Variants in HAUS8 observed in about 807,000 individuals in gnomAD.
HAUS8 encodes the protein HAUS augmin like complex subunit 8, also known as HAUS augmin-like complex subunit 8.
HAUS8 carries 38 observed loss-of-function variants against 42.9 expected under a neutral mutation model. That is an observed-to-expected ratio of 0.89 (90% CI 0.68 to 1.16). The LOEUF (loss-of-function observed/expected upper bound fraction) is 1.16, where lower values mean the gene tolerates loss of function less well. HAUS8 is among the 50% of genes most tolerant of loss of function. HAUS8 has a pLI of 0.00. For missense variants in HAUS8, 494 were observed against 511.6 expected (o/e 0.97, Z 0.33); for synonymous variants, 199 against 205.8 (o/e 0.97, Z 0.28).
At position 17,058,722 on chromosome 19, in the gene HAUS8, A is replaced by C. The variant is rs2057341115; in HGVS notation, c.487-15T>G. The C allele has an allele frequency of 1.2e-6, 2 of 1,603,554 alleles. No homozygotes were observed. Among genetic ancestry groups the C allele is most frequent in the Non-Finnish European group, 1.7e-6 (2 of 1,175,242 alleles). On this transcript the variant is annotated splice_polypyrimidine_tract_variant and intron_variant, in intron 7 of 10. Coordinates refer to ENST00000253669, the MANE Select transcript of HAUS8 (RefSeq NM_033417.2). ...TTGTTCTCCATCTGTTAAATGTGAA[A>C]GAAAAGCTCAAGCAGGTGGGGACTC...
Position 17,056,313 on chromosome 19 carries a change from T to C in HAUS8, c.646-311A>G, listed in dbSNP as rs187895790. The stretch of plus-strand genomic sequence containing the variant: ...GCCTTCCACAAGGCCATCCCCGGCA[T>C]GGCCCACTCCCACCCCAAACATGCT... On this transcript the variant is annotated intron_variant, in intron 8 of 10. Coordinates refer to ENST00000253669, the MANE Select transcript of HAUS8 (RefSeq NM_033417.2). Among the ~76,000 whole-genome samples the C allele has an allele frequency of 2.2e-3, 331 of 152,264 alleles. 1 individual carries two copies. The highest frequency in any genetic ancestry group is 3.4e-3 in the Middle Eastern group (1 of 294).
chr19:17,062,603 C>T (rs2057367110), intron 4 of HAUS8, 95 bp downstream of exon 4: 4 of 924,898 alleles, frequency 4.3e-6, no homozygotes, highest in Non-Finnish European at 5.3e-6. Context: ...TCTGACCCTT[C>T]CCAGAAAGGA....
intron 8 of HAUS8, among the ~76,000 whole-genome samples, chr19:17,056,214 T>C (rs549054444): frequency 6.6e-6 from 1 of 152,184 alleles, no homozygotes; most frequent in African/African-American, 2.4e-5. Context: ...ACTGAGAACA[T>C]GTGTCTGCCA....
rs61226830 is a variant in HAUS8, at chr19:17,065,972, TAA to T, written c.147+3057_147+3058del. ...CTCACTCTACACATCTCTTATCTTCTAAAAAAAAAAAAAAGAGACAGGATCTC... is the reference window on the plus strand; with the variant it reads ...CTCACTCTACACATCTCTTATCTTCTAAAAAAAAAAAAGAGACAGGATCTC... On this transcript the variant is annotated intron_variant, in intron 3 of 10. Transcript: ENST00000253669. Among the ~76,000 whole-genome samples the T allele has an allele frequency of 8.4e-3, 1,186 of 140,408 alleles. 23 individuals carry two copies. The highest frequency in any genetic ancestry group is 0.029 in the African/African-American group (1,099 of 38,022). 92.1% of individuals were successfully genotyped at this position (140,408 alleles called of 152,430 possible).
chr19:17,058,682 T>C lies in HAUS8; in HGVS notation c.512A>G (p.Glu171Gly). The C allele has an allele frequency of 1.2e-6, 2 of 1,610,282 alleles. No homozygotes were observed. The highest frequency in any genetic ancestry group is 1.7e-6 in the Non-Finnish European group (2 of 1,178,950). ...VKMENNLAEF[E>G]RRAEKNLLIM... ...TAATAAATTCTTTTCTGCCCTTCTT[T>C]CAAACTCAGCAAGATTGTTCTCCAT... Residue 171 changes from glutamate (E) to glycine (G), a missense_variant, in exon 8 of 11, where the codon GAA becomes GGA. Transcript: ENST00000253669.
intron 3 of HAUS8, 23 bp from the exon 4 acceptor site, chr19:17,062,802 T>A: frequency 6.4e-7 from 1 of 1,570,882 alleles, no homozygotes; most frequent in Non-Finnish European, 8.8e-7. Context: ...CACATGACAC[T>A]CAGAGGACAA....
At chr19:17,075,301 T>C in intron 1 of HAUS8, 93 bp downstream of exon 1, 1 of 1,416,028 alleles carries the variant, frequency 7.1e-7, no homozygotes, top group Middle Eastern at 1.8e-4. Flanking sequence ...GAACCCGAAC[T>C]CACCCCGAGG....
At chr19:17,056,227 G>A (rs1178018866) in intron 8 of HAUS8, among the ~76,000 whole-genome samples, 1 of 152,202 alleles carries the variant, frequency 6.6e-6, no homozygotes, top group Non-Finnish European at 1.5e-5. Context: ...GTCTGCCAGC[G>A]GTTCTAGGCT....
At chr19:17,061,196 T>C (rs568220407) in intron 4 of HAUS8, among the ~76,000 whole-genome samples, 12 of 151,794 alleles carry the variant, frequency 7.9e-5, no homozygotes, top group African/African-American at 2.9e-4. Flanking sequence ...AGTGGCACAA[T>C]CTAGGCTTAC....
rs935127590 is a variant in HAUS8 at position 17,064,830 on chromosome 19, T to C, written c.148-2051A>G. Among the ~76,000 whole-genome samples the C allele has an allele frequency of 7.2e-5, 11 of 152,212 alleles. No homozygotes were observed. The East Asian group carries it at 1.3e-3, about 19-fold the overall frequency. ...CCTGGATAAGACTCCAAAAGCACAATCCACAAATGGGGAAAGTGATCAAAT... is the reference window on the plus strand; with the variant it reads ...CCTGGATAAGACTCCAAAAGCACAACCCACAAATGGGGAAAGTGATCAAAT... On this transcript the variant is annotated intron_variant, in intron 3 of 10. Transcript: ENST00000253669.
In HAUS8 at chr19:17,052,848, C is replaced by T. The variant is rs141565531; in HGVS notation, c.906G>A (p.Ala302=). Reference sequence around the variant, plus strand: ...ACCTTCGGAGCTCAAGGTCCTTTTTCGCCGTCACGTCCTTGAGTTCGCTCA... The same window carrying T: ...ACCTTCGGAGCTCAAGGTCCTTTTTTGCCGTCACGTCCTTGAGTTCGCTCA... ...DLLSELKDVT[A]KKDLELRRSF... Residue 302 remains alanine (A), a synonymous_variant, in exon 10 of 11, where the codon GCG becomes GCA. Coordinates refer to ENST00000253669, the MANE Select transcript of HAUS8 (RefSeq NM_033417.2). The T allele has an allele frequency of 3.4e-4, 545 of 1,614,030 alleles. No individual in the cohort carries two copies. In the African/African-American group the frequency reaches 4.2e-3, roughly 12 times the overall value.
chr19:17,059,928 C>A, intron 5 of HAUS8, 69 bp downstream of exon 5: 2 of 1,131,102 alleles, frequency 1.8e-6, no homozygotes, highest in Non-Finnish European at 2.7e-6. Flanking sequence ...GCCAATTGTA[C>A]TTTGGAAGCC....
At chr19:17,055,339 C>CAA (rs11315045) in intron 9 of HAUS8, among the ~76,000 whole-genome samples, 52 of 49,408 alleles carry the variant, frequency 1.1e-3, no homozygotes, top group South Asian at 1.9e-3. Flanking sequence ...GATGCTGTCT[C>CAA]AAAAAAAAAA....
intron 7 of HAUS8, 34 bp from the exon 8 acceptor site, chr19:17,058,741 G>A (rs1398148301): frequency 6.2e-7 from 1 of 1,604,990 alleles, no homozygotes; most frequent in Non-Finnish European, 8.5e-7. Flanking sequence ...CAAGCAGGTG[G>A]GGACTCCCTC....
chr19:17,070,934 G>A (rs1287334559), intron 2 of HAUS8, among the ~76,000 whole-genome samples: 1 of 152,216 alleles, frequency 6.6e-6, no homozygotes, highest in Non-Finnish European at 1.5e-5. Flanking sequence ...GCCAGGCGTG[G>A]TGGCATGTGC....
chr19:17,062,651 T>A lies in HAUS8; in HGVS notation c.229+47A>T, dbSNP rs773838276. 13 of 1,475,180 alleles carry A rather than the reference T, an allele frequency of 8.8e-6. No homozygotes were observed. In the African/African-American group the frequency reaches 1.7e-4, roughly 19 times the overall value. The allele number at this position is 1,475,180 out of a possible 1,614,324, so 91.4% of individuals were successfully genotyped here. A position where few individuals can be genotyped will look rare whatever the true frequency, so the allele number is the denominator to read the frequency against. ...TAACTTAGCACCCATGGAGACAAAA[T>A]TTACTGCCGCGCTCATCACTGCCCG... is the stretch of plus-strand genomic sequence containing the variant. On this transcript the variant is annotated intron_variant, in intron 4 of 10. Transcript: ENST00000253669.
chr19:17,069,230 T>C, intron 2 of HAUS8, 144 bp from the exon 3 acceptor site: 1 of 707,810 alleles, frequency 1.4e-6, no homozygotes, highest in Non-Finnish European at 2.6e-6. Flanking sequence ...CTCCTCCTGC[T>C]CGCCTCTGAT....
At chr19:17,073,972 A>T (rs1568644270) in intron 1 of HAUS8, 1 of 152,312 alleles carries the variant, frequency 6.6e-6, no homozygotes, top group Non-Finnish European at 1.5e-5. Flanking sequence ...ATTGCACTCC[A>T]GCCAGGGTGA....
At chr19:17,074,222 T>C (rs116850120) in intron 1 of HAUS8, 3,766 of 152,588 alleles carry the variant, frequency 0.025, 71 homozygotes, top group Admixed American at 0.05. Context: ...GGCAAGTGGA[T>C]GGGCAAGTGG....
Sources: allele counts gnomAD v4.1 joint callset (sites outside exome capture counted in the v4.1 genomes callset), GRCh38; gene constraint gnomAD v4.1.1; transcripts MANE v1.5; gene names NCBI Gene and HGNC (gene_info 2026-07-23, HGNC 2026-07-21).